The following CSMD3 variants were observed in gnomAD, a reference collection of about 807,000 sequenced individuals.
CSMD3 encodes the protein CUB and sushi domain-containing protein 3.
A neutral mutation model predicts 435.2 loss-of-function variants in CSMD3; 177 were observed. That is an observed-to-expected ratio of 0.41 (90% CI 0.36 to 0.46). CSMD3 has a LOEUF of 0.46. CSMD3 is among the 20% of genes least tolerant of loss of function. CSMD3 has a pLI of 0.34. For missense variants in CSMD3, 4,265 were observed against 4,504.6 expected, an observed-to-expected ratio of 0.95 and a Z score of 1.52; for synonymous variants, 1,656 against 1,520.5, an observed-to-expected ratio of 1.09 and a Z score of -2.07.
intron 1 of CSMD3, among the ~76,000 whole-genome samples, chr8:113,426,217 G>A (rs770473799): frequency 2.6e-5 from 4 of 151,318 alleles, no homozygotes; most frequent in Non-Finnish European, 4.4e-5. Context: ...ATTTAGTTGA[G>A]ATTAAAATTA....
intron 32 of CSMD3, among the ~76,000 whole-genome samples, chr8:112,451,394 G>A (rs1816251216): frequency 6.6e-6 from 1 of 151,894 alleles, no homozygotes; most frequent in African/African-American, 2.4e-5. Context: ...AAATAATAGA[G>A]CATTATTCTT....
chr8:112,337,728 T>C lies in CSMD3; in HGVS notation c.6656A>G (p.Tyr2219Cys), dbSNP rs2130967628. 3 of 1,610,144 alleles carry C rather than the reference T, an allele frequency of 1.9e-6. No homozygotes were observed. The highest frequency in any genetic ancestry group is 1.1e-5 in the South Asian group (1 of 90,938). The part of the protein sequence containing the change: ...KQGFHIVYQA[Y>C]QLQSCPDPRP... ...TGGATCAGGACAGCTTTGCAACTGA[T>C]AGGCTGGAAAGAGGAAAAAGAAAGA... Residue 2219 changes from tyrosine to cysteine, a missense_variant, in exon 43 of 71, where the codon TAT becomes TGT. This residue lies in a region of CSMD3 where 3,255 missense variants were observed against 3,380.2 expected (regional missense o/e 0.96). Transcript: ENST00000297405.
intron 1 of CSMD3, among the ~76,000 whole-genome samples, chr8:113,336,765 T>G (rs529867906): frequency 2.0e-5 from 3 of 152,240 alleles, no homozygotes; most frequent in Non-Finnish European, 4.4e-5. Context: ...AAGCACCTTG[T>G]TACTATGAAG....
intron 27 of CSMD3, among the ~76,000 whole-genome samples, chr8:112,538,027 A>G (rs931613810): frequency 6.6e-6 from 1 of 152,074 alleles, no homozygotes; most frequent in Admixed American, 6.6e-5. Flanking sequence ...GGATGCAACT[A>G]TCATTCAACA....
intron 4 of CSMD3, among the ~76,000 whole-genome samples, chr8:113,116,422 A>G (rs938547320): frequency 6.6e-6 from 1 of 152,188 alleles, no homozygotes; most frequent in African/African-American, 2.4e-5. Context: ...GATTGTAAGT[A>G]TCCTGAGGCC....
At chr8:113,216,376 A>G (rs2092905849) in intron 3 of CSMD3, among the ~76,000 whole-genome samples, 1 of 151,918 alleles carries the variant, frequency 6.6e-6, no homozygotes, top group Non-Finnish European at 1.5e-5. Context: ...AGATATAGTA[A>G]GCAGAGTTCC....
chr8:112,313,594 A>T (rs562812403), intron 49 of CSMD3, among the ~76,000 whole-genome samples: 3 of 152,188 alleles, frequency 2.0e-5, no homozygotes, highest in Admixed American at 6.5e-5. Flanking sequence ...AAATATCCTA[A>T]ATGCTTTTTT....
intron 1 of CSMD3, among the ~76,000 whole-genome samples, chr8:113,421,689 C>T (rs1262333055): frequency 6.6e-6 from 1 of 152,024 alleles, no homozygotes; most frequent in African/African-American, 2.4e-5. Flanking sequence ...CCTCCTCTTC[C>T]CCTAGCCATC....
In CSMD3 at chr8:112,325,348, A is replaced by G. The variant is rs80293616; in HGVS notation, c.7166-5367T>C. ...TGAAATCTATCTTCCTAGCTCTTTTATAACTTTGAACATGACCAAAACAGA... is the reference window on the plus strand; with the variant it reads ...TGAAATCTATCTTCCTAGCTCTTTTGTAACTTTGAACATGACCAAAACAGA... On this transcript the variant is annotated intron_variant, in intron 45 of 70. Transcript: ENST00000297405. 5.6e-3 allele frequency among the ~76,000 whole-genome samples: 858 copies of G among 152,184 alleles called. 10 individuals are homozygous for G. The highest frequency in any genetic ancestry group is 0.019 in the African/African-American group (806 of 41,556).
At chr8:113,282,042 C>A (rs2093616441) in intron 2 of CSMD3, among the ~76,000 whole-genome samples, 1 of 151,898 alleles carries the variant, frequency 6.6e-6, no homozygotes, top group South Asian at 2.1e-4. Context: ...GCTGAGAAAT[C>A]TGCTGTTAAT....
intron 38 of CSMD3, among the ~76,000 whole-genome samples, chr8:112,353,157 G>T (rs1357698449): frequency 6.6e-6 from 1 of 152,188 alleles, no homozygotes; most frequent in East Asian, 1.9e-4. Context: ...TTGGGGGGCT[G>T]AGGTGGGTGG....
At chr8:112,894,467 A>G (rs915913153) in intron 10 of CSMD3, among the ~76,000 whole-genome samples, 27 of 151,416 alleles carry the variant, frequency 1.8e-4, no homozygotes, top group African/African-American at 6.3e-4. Context: ...TATCTGATTT[A>G]TAGTACTCAA....
At chr8:112,612,709 CTTTTTTTTT>C (rs532290154) in intron 22 of CSMD3, among the ~76,000 whole-genome samples, 9 of 65,886 alleles carry the variant, frequency 1.4e-4, no homozygotes, top group Non-Finnish European at 2.2e-4. Flanking sequence ...TTTCTTTGTT[CTTTTTTTTT>C]TTTTTTTTTT....
rs754831492 is a variant in CSMD3, at chr8:112,636,835, G to A, written c.3697C>T (p.Pro1233Ser). ...LGGGRRVWSA[P>S]LPRCVAECGA... ...CACGTACCCACACACCTTGGCAGAG[G>A]TGCACTCCACACTCGTCGGCCACCA... is the stretch of plus-strand genomic sequence containing the variant. The change falls in exon 22 of 71, where the codon CCT (proline) becomes TCT (serine). Residue 1233 changes from proline (P) to serine (S), a missense_variant. Pro to Ser is a moderately conservative substitution (Grantham distance 74). Coordinates refer to ENST00000297405, the MANE Select transcript of CSMD3 (RefSeq NM_198123.2). 2.1e-5 allele frequency: 34 copies of A among 1,612,994 alleles called. No homozygotes were observed. The highest frequency in any genetic ancestry group is 1.6e-4 in the Middle Eastern group (1 of 6,066).
intron 13 of CSMD3, among the ~76,000 whole-genome samples, chr8:112,743,033 T>C (rs1313809764): frequency 1.3e-5 from 2 of 152,024 alleles, no homozygotes. Flanking sequence ...CTACAAATCA[T>C]GCAGCTGGTG....
In CSMD3 at chr8:112,231,487, T is replaced by G; in HGVS notation, c.10828+58A>C. The G allele has an allele frequency of 6.5e-6, 7 of 1,084,626 alleles. No individual in the cohort carries two copies. The South Asian group carries it at 7.5e-5, about 12-fold the overall frequency. 67.2% of individuals were successfully genotyped at this position (1,084,626 alleles called of 1,614,324 possible). A position where few individuals can be genotyped will look rare whatever the true frequency, so the allele number is the denominator to read the frequency against. On this transcript the variant is annotated intron_variant, in intron 69 of 70. Coordinates refer to ENST00000297405, the MANE Select transcript of CSMD3 (RefSeq NM_198123.2). The stretch of plus-strand genomic sequence containing the variant: ...CTAATGTACAGAATCCACAGTCTTT[T>G]TTTTATGATGTCTGGGATAATAACA...
At chr8:112,583,324 T>A (rs1830474017) in intron 23 of CSMD3, among the ~76,000 whole-genome samples, 1 of 114,706 alleles carries the variant, frequency 8.7e-6, no homozygotes, top group Non-Finnish European at 1.8e-5. Context: ...TACACATTAG[T>A]CATTCAAGTG....
rs16883713 is a variant in CSMD3 at position 112,476,594 on chromosome 8, G to T, written c.5279-3887C>A. ...AAAGTGATGATTCTAAAATGTGGGGGTTTTTTGGTAATAATTTTAATGTTT... is the reference window on the plus strand; with the variant it reads ...AAAGTGATGATTCTAAAATGTGGGGTTTTTTTGGTAATAATTTTAATGTTT... On this transcript the variant is annotated intron_variant, in intron 31 of 70. Transcript: ENST00000297405. 4.9e-3 allele frequency among the ~76,000 whole-genome samples: 750 copies of T among 152,098 alleles called. 2 individuals are homozygous for T. Among genetic ancestry groups the T allele is most frequent in the Middle Eastern group, 0.017 (5 of 294 alleles).
chr8:112,720,571 A>G (rs1266222049), intron 13 of CSMD3, among the ~76,000 whole-genome samples: 1 of 152,176 alleles, frequency 6.6e-6, no homozygotes, highest in Non-Finnish European at 1.5e-5. Flanking sequence ...GAGGAATCAC[A>G]TTCATTTGCA....
Sources: gnomAD v4.1 joint callset for allele counts (sites outside exome capture counted in the v4.1 genomes callset) on GRCh38, gnomAD v4.1.1 for gene constraint, gnomAD v4.1.1 regional missense constraint, MANE v1.5 for transcripts, NCBI Gene and HGNC (gene_info 2026-07-23, HGNC 2026-07-21) for gene names.